Variants in LRP1B observed in about 807,000 individuals in gnomAD.
LRP1B encodes the protein low-density lipoprotein receptor-related protein 1B.
LRP1B carries 217 observed loss-of-function variants against 556.6 expected under a neutral mutation model. The observed-to-expected ratio is 0.39, with a 90% CI of 0.35 to 0.44. The LOEUF is 0.44. LRP1B is among the 20% of genes least tolerant of loss of function. LRP1B has a pLI of 1.00. For missense variants in LRP1B, 5,053 were observed against 5,620.8 expected, an observed-to-expected ratio of 0.90 and a Z score of 3.23; for synonymous variants, 2,047 against 1,865.8, an observed-to-expected ratio of 1.10 and a Z score of -2.50.
intron 31 of LRP1B, among the ~76,000 whole-genome samples, chr2:140,839,274 A>G (rs2105093306): frequency 6.6e-6 from 1 of 152,334 alleles, no homozygotes; most frequent in Admixed American, 6.5e-5. Flanking sequence ...TCCTATTCAG[A>G]TAAAGAATGT....
intron 1 of LRP1B, among the ~76,000 whole-genome samples, chr2:141,978,635 G>A (rs1284198826): frequency 6.6e-6 from 1 of 151,846 alleles, no homozygotes; most frequent in African/African-American, 2.4e-5. Flanking sequence ...CATTAATAAA[G>A]GCAATAGATT....
At chr2:141,732,372 T>G (rs1224607525) in intron 2 of LRP1B, among the ~76,000 whole-genome samples, 1 of 151,976 alleles carries the variant, frequency 6.6e-6, no homozygotes, top group Admixed American at 6.6e-5. Flanking sequence ...TTTTTTTAAA[T>G]GTGGGAGAGA....
intron 31 of LRP1B, among the ~76,000 whole-genome samples, chr2:140,830,768 C>T (rs4533426): frequency 0.78 from 118,519 of 151,908 alleles, 47,509 homozygotes; most frequent in Non-Finnish European, 0.88. Context: ...AGGAAGAAGG[C>T]AAATTATTTT....
intron 2 of LRP1B, among the ~76,000 whole-genome samples, chr2:141,572,323 C>T (rs1468872008): frequency 1.3e-5 from 2 of 152,078 alleles, no homozygotes; most frequent in African/African-American, 4.8e-5. Context: ...TCATATCCAG[C>T]CAAACTAAGC....
rs571937486 is a variant in LRP1B, at chr2:141,929,248, A to G, written c.83-118847T>C. Among the ~76,000 whole-genome samples, 20 of 152,244 alleles carry G rather than the reference A, an allele frequency of 1.3e-4. No individual in the cohort carries two copies. The South Asian group carries it at 4.1e-3, about 32-fold the overall frequency. On this transcript the variant is annotated intron_variant, in intron 1 of 90. Transcript: ENST00000389484. ...AATGCCAAAAGCTATACAAACCTCC[A>G]CTAACGTACACGACCATTCCTTCCC...
intron 23 of LRP1B, chr2:140,898,671 A>G: frequency 2.2e-6 from 1 of 453,174 alleles, no homozygotes; most frequent in Non-Finnish European, 4.4e-6. Context: ...ATGCAATCCT[A>G]AAAAAATTCT....
intron 18 of LRP1B, among the ~76,000 whole-genome samples, chr2:140,963,983 G>A (rs867359945): frequency 2.6e-5 from 4 of 152,080 alleles, no homozygotes; most frequent in Admixed American, 6.5e-5. Context: ...CCACCAATGC[G>A]CGGAGACCGG....
intron 11 of LRP1B, among the ~76,000 whole-genome samples, chr2:141,034,364 C>T (rs1399250517): frequency 6.6e-6 from 1 of 151,930 alleles, no homozygotes; most frequent in Non-Finnish European, 1.5e-5. Flanking sequence ...CAAATGGGAT[C>T]TAATTAAACT....
chr2:141,386,604 A>C lies in LRP1B; in HGVS notation c.343+93792T>G, dbSNP rs555388123. Reference sequence around the variant, plus strand: ...ATCAAACGAATTAGACTTATGTAAAAAAACTATTACCAGAGAGACAAAGAA... The same window carrying C: ...ATCAAACGAATTAGACTTATGTAAACAAACTATTACCAGAGAGACAAAGAA... On this transcript the variant is annotated intron_variant, in intron 3 of 90. Coordinates refer to ENST00000389484, the MANE Select transcript of LRP1B (RefSeq NM_018557.3). Among the ~76,000 whole-genome samples the C allele has an allele frequency of 4.6e-5, 7 of 152,226 alleles. No homozygotes were observed. In the East Asian group the frequency reaches 1.3e-3, roughly 29 times the overall value.
At chr2:141,966,383 C>T (rs753673030) in intron 1 of LRP1B, among the ~76,000 whole-genome samples, 34 of 151,950 alleles carry the variant, frequency 2.2e-4, no homozygotes, top group African/African-American at 5.5e-4. Context: ...ACAGTGTTGT[C>T]TGTGATGTCC....
rs553825482 is a variant in LRP1B, at chr2:141,530,135, C to A, written c.206-49602G>T. ...GGAAACCAAAGTCATTGTCATAATA[C>A]TCCAGGATTATTGATTTTTCTAGCA... On this transcript the variant is annotated intron_variant, in intron 2 of 90. Transcript: ENST00000389484. Among the ~76,000 whole-genome samples, 5 of 152,160 alleles carry A rather than the reference C, an allele frequency of 3.3e-5. No homozygotes were observed. The East Asian group carries it at 9.7e-4, about 29-fold the overall frequency.
At chr2:140,690,869 G>C (rs529923766) in intron 41 of LRP1B, among the ~76,000 whole-genome samples, 15 of 152,066 alleles carry the variant, frequency 9.9e-5, no homozygotes, top group South Asian at 2.1e-4. Context: ...CTTTCCAGTA[G>C]TTGTAATTAT....
Position 141,096,675 on chromosome 2 carries a change from A to AGG in LRP1B, c.1014-34403_1014-34402insCC, listed in dbSNP as rs1558858349. ...GAGAGAGAGAGAGAGAGAGAGAGAG[A>AGG]GAGAGAGAGAGAGAGAAAATAAATA... On this transcript the variant is annotated intron_variant, in intron 7 of 90. Transcript: ENST00000389484. Among the ~76,000 whole-genome samples, 298 of 130,170 alleles carry AGG rather than the reference A, an allele frequency of 2.3e-3. 44 individuals carry two copies. Among genetic ancestry groups the AGG allele is most frequent in the East Asian group, 0.012 (32 of 2,740 alleles). The allele number at this position is 130,170 out of a possible 152,430, so 85.4% of individuals were successfully genotyped here. A position where few individuals can be genotyped will look rare whatever the true frequency, so the allele number is the denominator to read the frequency against.
At chr2:140,274,906 C>T (rs958667606) in intron 84 of LRP1B, among the ~76,000 whole-genome samples, 1 of 151,888 alleles carries the variant, frequency 6.6e-6, no homozygotes, top group Non-Finnish European at 1.5e-5. Context: ...TAATGAACAA[C>T]GTAAGTATAG....
chr2:141,707,309 C>A (rs1692180414), intron 2 of LRP1B, among the ~76,000 whole-genome samples: 1 of 152,088 alleles, frequency 6.6e-6, no homozygotes, highest in Non-Finnish European at 1.5e-5. Flanking sequence ...TATTCCTCAT[C>A]CTGAATACCC....
chr2:141,077,175 GA>G (rs1406775047), intron 7 of LRP1B, among the ~76,000 whole-genome samples: 5 of 152,164 alleles, frequency 3.3e-5, no homozygotes, highest in Non-Finnish European at 7.3e-5. Context: ...TAGAACCCAG[GA>G]AGTGGAGGTT....
chr2:142,117,102 T>C (rs1237038906), intron 1 of LRP1B, among the ~76,000 whole-genome samples: 1 of 152,126 alleles, frequency 6.6e-6, no homozygotes, highest in East Asian at 1.9e-4. Context: ...CACGGAATAT[T>C]TTCCCCCAGG....
At chr2:141,221,327 T>C (rs56076722) in intron 6 of LRP1B, among the ~76,000 whole-genome samples, 41,445 of 144,100 alleles carry the variant, frequency 0.29, 6,411 homozygotes, top group Middle Eastern at 0.48. Context: ...CATTACATAA[T>C]GGGAAAGGGT....
At chr2:140,982,373 A>C in intron 17 of LRP1B, 97 bp from the exon 18 acceptor site, 3 of 708,510 alleles carry the variant, frequency 4.2e-6, no homozygotes, top group Non-Finnish European at 7.3e-6. Context: ...TACATAAGAT[A>C]GTATGTTTCT....
Sources: allele counts gnomAD v4.1 joint callset (sites outside exome capture counted in the v4.1 genomes callset), GRCh38; gene constraint gnomAD v4.1.1; transcripts MANE v1.5; gene names NCBI Gene and HGNC (gene_info 2026-07-23, HGNC 2026-07-21).